Variants in PLEKHG2 observed in about 807,000 individuals in gnomAD.
PLEKHG2 encodes the protein pleckstrin homology and RhoGEF domain containing G2.
In PLEKHG2, 71 loss-of-function variants were observed where a neutral mutation model predicts 104.4. The ratio of observed to expected loss-of-function variants is 0.68; its 90% confidence interval spans 0.56 to 0.83. The LOEUF (loss-of-function observed/expected upper bound fraction) is 0.83, where lower values mean the gene tolerates loss of function less well. Among genes scored for constraint, PLEKHG2 ranks in the 40% least tolerant of loss-of-function variants. PLEKHG2 has a pLI of 0.00. For missense variants in PLEKHG2, 1,730 were observed against 1,809.4 expected, an observed-to-expected ratio of 0.96 and a Z score of 0.80; for synonymous variants, 728 against 737.0, an observed-to-expected ratio of 0.99 and a Z score of 0.20.
At chr19:39,420,711 A>G in intron 12 of PLEKHG2, 40 bp from the exon 13 acceptor site, 1 of 1,614,184 alleles carries the variant, frequency 6.2e-7, no homozygotes, top group Non-Finnish European at 8.5e-7. Flanking sequence ...AATTACTTCC[A>G]AGAAAAAGTT....
At chr19:39,421,995 C>A (rs896112302) in intron 16 of PLEKHG2, 120 bp from the exon 17 acceptor site, 1 of 1,086,476 alleles carries the variant, frequency 9.2e-7, no homozygotes, top group Non-Finnish European at 1.3e-6. Flanking sequence ...GCAGGCTGGG[C>A]GACAGAGCGA....
At chr19:39,420,578 G>A (rs943257948) in intron 11 of PLEKHG2, 48 bp from the exon 12 acceptor site, 1 of 1,613,126 alleles carries the variant, frequency 6.2e-7, no homozygotes, top group African/African-American at 1.3e-5. Context: ...TCCTCTCTGT[G>A]GTACTCCAAG....
In PLEKHG2 at chr19:39,424,909, C is replaced by T. The variant is rs2078759466; in HGVS notation, c.3776C>T (p.Pro1259Leu). 2 of 1,614,218 alleles carry T rather than the reference C, an allele frequency of 1.2e-6. No homozygotes were observed. Among genetic ancestry groups the T allele is most frequent in the East Asian group, 2.2e-5 (1 of 44,880 alleles). ...ARLESSDLTPPHSPPPSSRQL... is the reference protein window; with the variant it reads ...ARLESSDLTPLHSPPPSSRQL... ...TTGGAGTCTTCAGACTTGACGCCACCTCATAGTCCCCCACCTTCCAGCCGT... is the reference window on the plus strand; with the variant it reads ...TTGGAGTCTTCAGACTTGACGCCACTTCATAGTCCCCCACCTTCCAGCCGT... Residue 1259 changes from proline to leucine, a missense_variant, in exon 19 of 19, where the codon CCT (proline) becomes CTT (leucine). Pro to Leu is a moderately conservative substitution (Grantham distance 98). Transcript: ENST00000425673.
At position 39,425,627 on chromosome 19, in the gene PLEKHG2, C is replaced by T. The variant is rs1158355613; in HGVS notation, c.*333C>T. On this transcript the variant is annotated 3_prime_UTR_variant, in exon 19 of 19. Transcript: ENST00000425673. The stretch of plus-strand genomic sequence containing the variant: ...TGAAAGCTTGGGGAATCTCAGACTC[C>T]TTTGAGAATTATTGGAAAATGGACC... The T allele has an allele frequency of 1.5e-5, 6 of 406,756 alleles. No homozygotes were observed. The highest frequency in any genetic ancestry group is 2.6e-5 in the Non-Finnish European group (6 of 232,772). The allele number at this position is 406,756 out of a possible 1,614,324, so 25.2% of individuals were successfully genotyped here. A position where few individuals can be genotyped will look rare whatever the true frequency, so the allele number is the denominator to read the frequency against.
rs779564674 is a variant in PLEKHG2, at chr19:39,415,059, C to A, written c.177C>A (p.Gly59=). ...SGSSTSLSTV[G]SEGDPAPGPT... is the part of the protein sequence containing the mutation. ...GCTCCACATCCCTGAGCACAGTGGGCTCTGAGGGGGATCCAGCCCCTGGGC... is the reference window on the plus strand; with the variant it reads ...GCTCCACATCCCTGAGCACAGTGGGATCTGAGGGGGATCCAGCCCCTGGGC... Residue 59 remains glycine (G), a synonymous_variant, in exon 3 of 19, where the codon GGC becomes GGA. Transcript: ENST00000425673. This position sits in a 1 kb window ranked among gnomAD's most constrained non-coding sequence, Gnocchi z 4.6. 5.0e-6 allele frequency: 8 copies of A among 1,593,960 alleles called. No individual in the cohort carries two copies. The highest frequency in any genetic ancestry group is 6.0e-6 in the Non-Finnish European group (7 of 1,170,826).
At position 39,418,794 on chromosome 19, in the gene PLEKHG2, C is replaced by G; in HGVS notation, c.1144C>G (p.Leu382Val). Residue 382 changes from leucine to valine, a missense_variant, in exon 10 of 19, where the codon CTG becomes GTG. Coordinates refer to ENST00000425673, the MANE Select transcript of PLEKHG2 (RefSeq NM_022835.3). ...RDPLGFKVSDLTIPKHRHLLQ... is the reference protein window; with the variant it reads ...RDPLGFKVSDVTIPKHRHLLQ... ...CCCTCTAGGGTTCAAGGTGTCTGATCTGACCATTCCCAAGCACAGACACCT... is the reference window on the plus strand; with the variant it reads ...CCCTCTAGGGTTCAAGGTGTCTGATGTGACCATTCCCAAGCACAGACACCT... The G allele has an allele frequency of 6.2e-7, 1 of 1,612,112 alleles. No individual in the cohort carries two copies. Among genetic ancestry groups the G allele is most frequent in the Non-Finnish European group, 8.5e-7 (1 of 1,178,434 alleles).
At position 39,415,480 on chromosome 19, in the gene PLEKHG2, G is replaced by T; in HGVS notation, c.479+41G>T. ...GACAGGCAGGGGGCATTGATTGGTT[G>T]GAGGGTCTATTTCCTAATCCAAACC... On this transcript the variant is annotated intron_variant, in intron 4 of 18. Transcript: ENST00000425673. This position sits in a 1 kb window ranked among gnomAD's most constrained non-coding sequence, Gnocchi z 4.6. The T allele has an allele frequency of 6.2e-7, 1 of 1,605,200 alleles. No individual in the cohort carries two copies. Among genetic ancestry groups the T allele is most frequent in the Non-Finnish European group, 8.5e-7 (1 of 1,173,956 alleles).
chr19:39,425,157 C>G lies in PLEKHG2; in HGVS notation c.4024C>G (p.His1342Asp), dbSNP rs1243076758. The change falls in exon 19 of 19, where the codon CAC (histidine) becomes GAC (aspartate). Residue 1342 changes from histidine (H) to aspartate (D), a missense_variant. Coordinates refer to ENST00000425673, the MANE Select transcript of PLEKHG2 (RefSeq NM_022835.3). ...RLSYATTVNI[H>D]VGGGGRLRPA... is the part of the protein sequence containing the mutation. ...CAGCTATGCCACGACGGTTAACATC[C>G]ACGTGGGCGGGGGTGGGCGGCTGCG... is the stretch of plus-strand genomic sequence containing the variant. 1.9e-6 allele frequency: 3 copies of G among 1,595,930 alleles called. No homozygotes were observed. Among genetic ancestry groups the G allele is most frequent in the South Asian group, 1.1e-5 (1 of 88,764 alleles).
Position 39,417,620 on chromosome 19 carries a change from T to C in PLEKHG2, c.810T>C (p.Ile270=), listed in dbSNP as rs376921976. 4 of 1,613,990 alleles carry C rather than the reference T, an allele frequency of 2.5e-6. No homozygotes were observed. Among genetic ancestry groups the C allele is most frequent in the Non-Finnish European group, 3.4e-6 (4 of 1,180,010 alleles). The part of the protein sequence containing the change: ...TGGREMVEEA[I]VSMTAVAWYI... The stretch of plus-strand genomic sequence containing the variant: ...GTCGCGAGATGGTGGAGGAAGCTAT[T>C]GTGTCCATGACAGCGGTTGCCTGGT... The change falls in exon 8 of 19, where the codon ATT becomes ATC. Residue 270 remains isoleucine (I), a synonymous_variant. Transcript: ENST00000425673.
chr19:39,420,891 C>G lies in PLEKHG2; in HGVS notation c.1399+39C>G, dbSNP rs762274910. On this transcript the variant is annotated intron_variant, in intron 13 of 18. Coordinates refer to ENST00000425673, the MANE Select transcript of PLEKHG2 (RefSeq NM_022835.3). ...ATCCCTGAGTCCCAGCCCTCAGCCC[C>G]ACTTCCCTAGGACCCGGGAGCTGGG... 6 of 1,613,940 alleles carry G rather than the reference C, an allele frequency of 3.7e-6. No homozygotes were observed. In the East Asian group the frequency reaches 1.3e-4, roughly 36 times the overall value.
chr19:39,417,208 A>G (rs1358298105), intron 7 of PLEKHG2, among the ~76,000 whole-genome samples: 1 of 142,744 alleles, frequency 7.0e-6, no homozygotes, highest in Non-Finnish European at 1.5e-5. Flanking sequence ...GCTGGAGTAC[A>G]GTGGTGCGAT....
At position 39,424,718 on chromosome 19, in the gene PLEKHG2, A is replaced by C. The variant is rs1600667781; in HGVS notation, c.3585A>C (p.Thr1195=). Residue 1195 remains threonine (T), a synonymous_variant, in exon 19 of 19, where the codon ACA becomes ACC. Coordinates refer to ENST00000425673, the MANE Select transcript of PLEKHG2 (RefSeq NM_022835.3). ...CAGATACACAGGTCCAAAAACTCAC[A>C]CCTTCGTTGGAGCAGAAGAGCCTCA... ...SLTDTQVQKL[T]PSLEQKSLID... is the part of the protein sequence containing the mutation. 6.2e-7 allele frequency: 1 copy of C among 1,613,918 alleles called. No individual in the cohort carries two copies. Among genetic ancestry groups the C allele is most frequent in the Non-Finnish European group, 8.5e-7 (1 of 1,179,960 alleles).
Position 39,416,863 on chromosome 19 carries a change from C to A in PLEKHG2, c.607C>A (p.Leu203Ile). The A allele has an allele frequency of 6.2e-7, 1 of 1,607,676 alleles. No homozygotes were observed. Among genetic ancestry groups the A allele is most frequent in the Non-Finnish European group, 8.5e-7 (1 of 1,177,390 alleles). ...CTGTGCCCCCAGCTCCCTGGCCCTG[C>A]TCCGGGAGCTGTCGTTGTCTCCGCC... ...CMNYPSSLAL[L>I]RELSLSPPAA... The change falls in exon 7 of 19, where the codon CTC becomes ATC. Residue 203 changes from leucine (L) to isoleucine (I), a missense_variant. Coordinates refer to ENST00000425673, the MANE Select transcript of PLEKHG2 (RefSeq NM_022835.3). This position sits in a 1 kb window ranked among gnomAD's most constrained non-coding sequence, Gnocchi z 4.5.
rs539857261 is a variant in PLEKHG2, at chr19:39,415,877, C to A, written c.479+438C>A. Among the ~76,000 whole-genome samples, 4 of 152,282 alleles carry A rather than the reference C, an allele frequency of 2.6e-5. No individual in the cohort carries two copies. The East Asian group carries it at 7.7e-4, about 29-fold the overall frequency. ...ACAGCGTGAGCATGCGAGTGACCCC[C>A]TAAGCCTGATTTGCCTGGGACTTTT... is the stretch of plus-strand genomic sequence containing the variant. On this transcript the variant is annotated intron_variant, in intron 4 of 18. Transcript: ENST00000425673. This position sits in a 1 kb window ranked among gnomAD's most constrained non-coding sequence, Gnocchi z 4.6.
At position 39,427,713 on chromosome 19, in the gene PLEKHG2, G is replaced by A. The variant is rs948915855; in HGVS notation, c.*2419G>A. 5 of 152,346 alleles carry A rather than the reference G, an allele frequency of 3.3e-5. No homozygotes were observed. Among genetic ancestry groups the A allele is most frequent in the Admixed American group, 6.5e-5 (1 of 15,304 alleles). 9.4% of individuals were successfully genotyped at this position (152,346 alleles called of 1,614,324 possible). Reference sequence around the variant, plus strand: ...CTAAGCACATACTATGAGCATTACAGCCGCTTTATATAAGCTCGTTCACTG... The same window carrying A: ...CTAAGCACATACTATGAGCATTACAACCGCTTTATATAAGCTCGTTCACTG... On this transcript the variant is annotated 3_prime_UTR_variant, in exon 19 of 19. Transcript: ENST00000425673.
rs780968079 is a variant in PLEKHG2 at position 39,425,382 on chromosome 19, G to A, written c.*88G>A. On this transcript the variant is annotated 3_prime_UTR_variant, in exon 19 of 19. Transcript: ENST00000425673. ...TGACCTGGAAGTCCAGACACTGAAC[G>A]CAGGCCTCAAAACTGCTGCGGCCTT... 1.9e-5 allele frequency: 28 copies of A among 1,501,110 alleles called. No individual in the cohort carries two copies. The highest frequency in any genetic ancestry group is 2.7e-5 in the South Asian group (2 of 74,472). The allele number at this position is 1,501,110 out of a possible 1,614,324, so 93.0% of individuals were successfully genotyped here. A position where few individuals can be genotyped will look rare whatever the true frequency, so the allele number is the denominator to read the frequency against.
At position 39,417,932 on chromosome 19, in the gene PLEKHG2, A is replaced by G; in HGVS notation, c.910A>G (p.Thr304Ala). The G allele has an allele frequency of 6.5e-7, 1 of 1,543,078 alleles. No homozygotes were observed. The highest frequency in any genetic ancestry group is 8.7e-7 in the Non-Finnish European group (1 of 1,145,694). Residue 304 changes from threonine to alanine, a missense_variant, in exon 9 of 19, where the codon ACC (threonine) becomes GCC (alanine). Transcript: ENST00000425673. ...QEVQRRLGGWTGPELSAFGEL... is the reference protein window; with the variant it reads ...QEVQRRLGGWAGPELSAFGEL... ...AGTGCAGCGGCGGCTGGGTGGCTGGACCGGACCAGAGCTCAGTGCTTTTGG... is the reference window on the plus strand; with the variant it reads ...AGTGCAGCGGCGGCTGGGTGGCTGGGCCGGACCAGAGCTCAGTGCTTTTGG...
Position 39,425,082 on chromosome 19 carries a change from T to C in PLEKHG2, c.3949T>C (p.Ser1317Pro). 1 of 1,591,140 alleles carries C rather than the reference T, an allele frequency of 6.3e-7. No homozygotes were observed. Among genetic ancestry groups the C allele is most frequent in the East Asian group, 2.2e-5 (1 of 44,582 alleles). The part of the protein sequence containing the change: ...SWSSAPTSRA[S>P]SPPPQPQPPP... ...GTCCTCTGCTCCCACGTCACGGGCA[T>C]CTTCGCCGCCCCCCCAGCCCCAGCC... Residue 1317 changes from serine (S) to proline (P), a missense_variant, in exon 19 of 19, where the codon TCT becomes CCT. Physicochemically the swap from Ser to Pro is moderately conservative, Grantham distance 74 (BLOSUM62 -1). Transcript: ENST00000425673.
At position 39,423,047 on chromosome 19, in the gene PLEKHG2, G is replaced by A. The variant is rs1816733573; in HGVS notation, c.1993G>A (p.Val665Ile). 2.5e-6 allele frequency: 4 copies of A among 1,614,172 alleles called. No individual in the cohort carries two copies. Among genetic ancestry groups the A allele is most frequent in the Non-Finnish European group, 2.5e-6 (3 of 1,180,026 alleles). Residue 665 changes from valine to isoleucine, a missense_variant, in exon 18 of 19, where the codon GTT becomes ATT. By Grantham distance (29) the Val-to-Ile change is conservative (BLOSUM62 3). Coordinates refer to ENST00000425673, the MANE Select transcript of PLEKHG2 (RefSeq NM_022835.3). ...TCCTAGTCTCTCTGACATTTCCGAT[G>A]TTTTTGAGATGCCCTGCCTTCCAGC... ...RLPSLSDISDVFEMPCLPAIP... is the reference protein window; with the variant it reads ...RLPSLSDISDIFEMPCLPAIP...
Sources: gnomAD v4.1 joint callset for allele counts (sites outside exome capture counted in the v4.1 genomes callset) on GRCh38, gnomAD v4.1.1 for gene constraint, Gnocchi (gnomAD v3.1) non-coding constraint, MANE v1.5 for transcripts, NCBI Gene and HGNC (gene_info 2026-07-23, HGNC 2026-07-21) for gene names.